NFIB: variants seen among roughly 807,000 people sequenced by gnomAD.
The protein encoded by NFIB is nuclear factor 1 B-type.
NFIB carries 11 observed loss-of-function variants against 61.5 expected under a neutral mutation model. The observed-to-expected ratio is 0.18, with a 90% CI of 0.11 to 0.30. The LOEUF is 0.30. Ranked by LOEUF, NFIB falls within the 10% of genes least tolerant of loss-of-function variation. NFIB has a pLI of 1.00. For missense variants in NFIB, 471 were observed against 608.9 expected, an observed-to-expected ratio of 0.77 and a Z score of 2.38; for synonymous variants, 260 against 216.5, an observed-to-expected ratio of 1.20 and a Z score of -1.76.
At chr9:14,367,988 C>G (rs2061321021) in intron 1 of NFIB, among the ~76,000 whole-genome samples, 1 of 152,014 alleles carries the variant, frequency 6.6e-6, no homozygotes, top group Non-Finnish European at 1.5e-5. Flanking sequence ...TGTAACAAAC[C>G]TGCACGTTCT....
chr9:14,386,210 G>A (rs1406073606), intron 1 of NFIB, among the ~76,000 whole-genome samples: 1 of 152,212 alleles, frequency 6.6e-6, no homozygotes, highest in East Asian at 1.9e-4. Context: ...CATAATATAT[G>A]TAGCAAACAT....
At chr9:14,216,419 C>T (rs1040623189) in intron 2 of NFIB, among the ~76,000 whole-genome samples, 3 of 151,704 alleles carry the variant, frequency 2.0e-5, no homozygotes, top group African/African-American at 2.4e-5. Context: ...TGAGAAAGGC[C>T]GGAAGCAGGA....
intron 1 of NFIB, among the ~76,000 whole-genome samples, chr9:14,381,723 A>G (rs1054868111): frequency 6.6e-6 from 1 of 152,240 alleles, no homozygotes; most frequent in African/African-American, 2.4e-5. Flanking sequence ...TTAAGGCAAC[A>G]TCAGGCAAGA....
the NFIB span, among the ~76,000 whole-genome samples, chr9:14,462,947 T>G: frequency 7.5e-4 from 114 of 152,336 alleles, no homozygotes; most frequent in African/African-American, 2.5e-3. Flanking sequence ...CTGATTGTAG[T>G]GGTTCCTGTG....
At chr9:14,144,033 T>TGTGTGTGTGTGTGTGTGTG (rs55863803) in intron 6 of NFIB, among the ~76,000 whole-genome samples, 36 of 150,060 alleles carry the variant, frequency 2.4e-4, no homozygotes, top group East Asian at 7.8e-4. Context: ...TGTGTGTGTG[T>TGTGTGTGTGTGTGTGTGTG]TTAAAATGCA....
chr9:14,202,027 G>C (rs2049092215), intron 2 of NFIB, among the ~76,000 whole-genome samples: 1 of 151,934 alleles, frequency 6.6e-6, no homozygotes, highest in Non-Finnish European at 1.5e-5. Context: ...GCACAATGTT[G>C]ACTTTCATTC....
At chr9:14,178,607 AAG>A (rs2046418073) in intron 3 of NFIB, among the ~76,000 whole-genome samples, 1 of 152,170 alleles carries the variant, frequency 6.6e-6, no homozygotes, top group Non-Finnish European at 1.5e-5. Context: ...TATTTGGAAA[AAG>A]ATAATTTTTC....
intron 6 of NFIB, among the ~76,000 whole-genome samples, chr9:14,140,889 C>T (rs552820566): frequency 1.3e-4 from 20 of 152,232 alleles, no homozygotes; most frequent in Admixed American, 8.5e-4. Context: ...GAGCCATGAT[C>T]GTGCCGCTGC....
At chr9:14,367,932 G>T (rs1182289486) in intron 1 of NFIB, among the ~76,000 whole-genome samples, 1 of 152,108 alleles carries the variant, frequency 6.6e-6, no homozygotes, top group Non-Finnish European at 1.5e-5. Flanking sequence ...TAATGTAGAT[G>T]ACAGGTTGAT....
intron 1 of NFIB, among the ~76,000 whole-genome samples, chr9:14,352,823 A>G (rs1588354790): frequency 6.6e-6 from 1 of 152,242 alleles, no homozygotes; most frequent in African/African-American, 2.4e-5. Flanking sequence ...AGGACCCTGT[A>G]GCCTTTCCCT....
the NFIB span, among the ~76,000 whole-genome samples, chr9:14,439,068 A>G: frequency 1.3e-5 from 2 of 152,184 alleles, no homozygotes; most frequent in Non-Finnish European, 2.9e-5. Flanking sequence ...CTGTGGAGCT[A>G]CTTTTTGTTA....
the NFIB span, among the ~76,000 whole-genome samples, chr9:14,411,573 G>C: frequency 6.6e-6 from 1 of 152,154 alleles, no homozygotes; most frequent in South Asian, 2.1e-4. Flanking sequence ...ACCACCCCTT[G>C]TTAGTGGATT....
chr9:14,198,601 C>G (rs4628344), intron 2 of NFIB, among the ~76,000 whole-genome samples: 124,177 of 152,112 alleles, frequency 0.82, 51,094 homozygotes, highest in Middle Eastern at 0.85. Flanking sequence ...TAGTGAGCAT[C>G]AGATTCACCT....
intron 3 of NFIB, among the ~76,000 whole-genome samples, chr9:14,171,654 A>G (rs1186981836): frequency 6.6e-6 from 1 of 152,214 alleles, no homozygotes; most frequent in Non-Finnish European, 1.5e-5. Context: ...GTATCTAGAT[A>G]GGATTCTGGT....
At chr9:14,158,122 A>AAAAAC (rs1427253543) in intron 3 of NFIB, among the ~76,000 whole-genome samples, 2 of 151,692 alleles carry the variant, frequency 1.3e-5, no homozygotes, top group African/African-American at 2.4e-5. Context: ...AAAAAAAAAA[A>AAAAAC]AAAACAAAAC....
intron 1 of NFIB, among the ~76,000 whole-genome samples, chr9:14,368,483 G>A (rs899814831): frequency 2.6e-5 from 4 of 152,222 alleles, no homozygotes; most frequent in Non-Finnish European, 4.4e-5. Context: ...CAGGGCCACC[G>A]TGTTTCACCA....
rs775864856 is a variant in NFIB at position 14,307,113 on chromosome 9, G to T, written c.438C>A (p.Thr146=). The T allele has an allele frequency of 6.2e-7, 1 of 1,614,062 alleles. No homozygotes were observed. Among genetic ancestry groups the T allele is most frequent in the South Asian group, 1.1e-5 (1 of 91,074 alleles). The change falls in exon 2 of 11, where the codon ACC becomes ACA. Residue 146 remains threonine, a synonymous_variant. Transcript: ENST00000380953. The surrounding 1 kb of genome is among the most constrained non-coding windows in gnomAD (Gnocchi z 5.3). ...ILFKGIPLES[T]DGERLMKSPH... is the part of the protein sequence containing the mutation. ...GGGATTTCATGAGCCGCTCTCCATC[G>T]GTACTTTCCAAGGGGATGCCTTTGA...
chr9:14,491,120 T>C, the NFIB span, among the ~76,000 whole-genome samples: 1 of 152,168 alleles, frequency 6.6e-6, no homozygotes, highest in Non-Finnish European at 1.5e-5. Context: ...ACGATATAAT[T>C]TTGGACAACT....
At chr9:14,441,179 G>T in the NFIB span, among the ~76,000 whole-genome samples, 1 of 148,360 alleles carries the variant, frequency 6.7e-6, no homozygotes, top group Non-Finnish European at 1.5e-5. Context: ...AAAAAAAATC[G>T]GACGGAAAAC....
Sources: allele counts gnomAD v4.1 joint callset (sites outside exome capture counted in the v4.1 genomes callset), GRCh38; gene constraint gnomAD v4.1.1; non-coding constraint Gnocchi (gnomAD v3.1); transcripts MANE v1.5; gene names NCBI Gene and HGNC (gene_info 2026-07-23, HGNC 2026-07-21).